NAALADL2: variants seen among roughly 807,000 people sequenced by gnomAD.
NAALADL2 encodes the protein inactive N-acetylated-alpha-linked acidic dipeptidase-like protein 2.
Under a neutral mutation model 87.2 loss-of-function variants are expected in NAALADL2, and 76 were observed. The ratio of observed to expected loss-of-function variants is 0.87; its 90% CI spans 0.72 to 1.05. NAALADL2 has a LOEUF of 1.05. Among genes scored for constraint, NAALADL2 ranks in the 50% least tolerant of loss-of-function variants. The pLI is 0.00. For missense variants in NAALADL2, 1,089 were observed against 945.8 expected, an observed-to-expected ratio of 1.15 and a Z score of -1.99; for synonymous variants, 354 against 331.0, an observed-to-expected ratio of 1.07 and a Z score of -0.75.
At chr3:174,987,827 T>TATATATATATATATATATAAAA (rs1222203525) in intron 1 of NAALADL2, among the ~76,000 whole-genome samples, 6 of 130,574 alleles carry the variant, frequency 4.6e-5, no homozygotes, top group African/African-American at 2.2e-4. Flanking sequence ...TATATATATA[T>TATATATATATATATATATAAAA]AATGAGACCT....
chr3:174,482,458 A>G (rs1717612226), intron 1 of NAALADL2, among the ~76,000 whole-genome samples: 2 of 152,112 alleles, frequency 1.3e-5, no homozygotes, highest in Non-Finnish European at 2.9e-5. Flanking sequence ...GCTGCTGCAC[A>G]GTTAGAAAGA....
At chr3:174,527,021 T>G (rs368074006) in intron 1 of NAALADL2, among the ~76,000 whole-genome samples, 4 of 152,286 alleles carry the variant, frequency 2.6e-5, no homozygotes, top group African/African-American at 9.6e-5. Flanking sequence ...CTTAGGGTCA[T>G]ACTGCAGCTA....
At chr3:174,743,787 G>A (rs1406462022) in intron 3 of NAALADL2, among the ~76,000 whole-genome samples, 3 of 151,478 alleles carry the variant, frequency 2.0e-5, no homozygotes, top group African/African-American at 7.3e-5. Context: ...CATCTTACAG[G>A]CATAAGTCTA....
At chr3:174,476,301 A>G (rs1274644436) in intron 1 of NAALADL2, among the ~76,000 whole-genome samples, 1 of 151,748 alleles carries the variant, frequency 6.6e-6, no homozygotes, top group African/African-American at 2.4e-5. Flanking sequence ...TATTGATAGA[A>G]TAAAGTGTTT....
rs200691733 is a variant in NAALADL2, at chr3:175,447,281, C to T, written c.1143C>T (p.Pro381=). 3.1e-5 allele frequency: 49 copies of T among 1,603,604 alleles called. No individual in the cohort carries two copies. The African/African-American group carries it at 5.7e-4, about 19-fold the overall frequency. Residue 381 remains proline (P), a synonymous_variant, in exon 6 of 14, where the codon CCC becomes CCT. Transcript: ENST00000454872. The part of the protein sequence containing the change: ...RSNLTSLLVQ[P]ISAPLVAKLI... Reference sequence around the variant, plus strand: ...ACCTCACCTCTCTATTAGTGCAGCCCATCTCTGCACCCCTCGTTGCAAAAC... The same window carrying T: ...ACCTCACCTCTCTATTAGTGCAGCCTATCTCTGCACCCCTCGTTGCAAAAC...
intron 1 of NAALADL2, among the ~76,000 whole-genome samples, chr3:174,506,776 C>A (rs1407339913): frequency 6.6e-6 from 1 of 152,096 alleles, no homozygotes; most frequent in Non-Finnish European, 1.5e-5. Flanking sequence ...GGTATGTCAG[C>A]ATTGTTTTAT....
At chr3:174,755,677 A>T (rs1711954007) in intron 3 of NAALADL2, among the ~76,000 whole-genome samples, 1 of 152,202 alleles carries the variant, frequency 6.6e-6, no homozygotes, top group South Asian at 2.1e-4. Flanking sequence ...AACTATTAGA[A>T]TTTATTTCCT....
intron 2 of NAALADL2, among the ~76,000 whole-genome samples, chr3:174,571,916 T>C (rs1206878521): frequency 1.3e-5 from 2 of 152,138 alleles, no homozygotes; most frequent in East Asian, 1.9e-4. Flanking sequence ...TTCAGACTTG[T>C]TTTACCAAAC....
intron 1 of NAALADL2, among the ~76,000 whole-genome samples, chr3:174,966,080 C>A (rs1293031675): frequency 1.3e-5 from 2 of 152,034 alleles, no homozygotes; most frequent in African/African-American, 4.8e-5. Context: ...TATCTTAGAC[C>A]AGATCATTAT....
At chr3:174,590,747 A>G (rs1048063502) in intron 2 of NAALADL2, among the ~76,000 whole-genome samples, 11 of 152,190 alleles carry the variant, frequency 7.2e-5, no homozygotes, top group African/African-American at 2.7e-4. Context: ...AGGCACAGTA[A>G]CAGTACTAAT....
At chr3:174,663,316 AAAT>A (rs145502628) in intron 2 of NAALADL2, among the ~76,000 whole-genome samples, 3,213 of 152,224 alleles carry the variant, frequency 0.021, 107 homozygotes, top group African/African-American at 0.073. Context: ...CCAGCTATGA[AAAT>A]AATAATAATT....
At chr3:174,973,115 A>G (rs898423832) in intron 1 of NAALADL2, among the ~76,000 whole-genome samples, 2 of 152,140 alleles carry the variant, frequency 1.3e-5, no homozygotes, top group Admixed American at 6.5e-5. Context: ...TTGGTAATTT[A>G]CACACTGGCT....
At chr3:174,855,903 G>C (rs867475234), upstream of NAALADL2, among the ~76,000 whole-genome samples, 2 of 137,054 alleles carry the variant, frequency 1.5e-5, no homozygotes, top group African/African-American at 3.1e-5. Context: ...TATACACATA[G>C]ATATGAATAT....
At chr3:175,314,712 A>ATT (rs1758909420) in intron 4 of NAALADL2, among the ~76,000 whole-genome samples, 2 of 93,524 alleles carry the variant, frequency 2.1e-5, no homozygotes, top group Non-Finnish European at 4.4e-5. Context: ...ATATATATAT[A>ATT]TATATATATA....
At chr3:174,937,728 C>T (rs1281925611) in intron 1 of NAALADL2, among the ~76,000 whole-genome samples, 1 of 151,998 alleles carries the variant, frequency 6.6e-6, no homozygotes, top group African/African-American at 2.4e-5. Context: ...GGATTTAAAA[C>T]ATTTGCTTAT....
intron 9 of NAALADL2, among the ~76,000 whole-genome samples, chr3:175,556,734 A>G (rs1715339871): frequency 6.6e-6 from 1 of 152,262 alleles, no homozygotes; most frequent in African/African-American, 2.4e-5. Flanking sequence ...ACTATCTTAC[A>G]AACTTTTCTT....
Position 174,866,984 on chromosome 3 carries a change from T to A in NAALADL2, c.43+7534T>A, listed in dbSNP as rs182194890. On this transcript the variant is annotated intron_variant, in intron 1 of 13. Transcript: ENST00000454872. ...ACCCATAATATTGTCTATATTTCTA[T>A]AAAATACTTACTAATTACTAAATCA... Among the ~76,000 whole-genome samples, 1,053 of 151,924 alleles carry A rather than the reference T, an allele frequency of 6.9e-3. 9 individuals are homozygous for A. Among genetic ancestry groups the A allele is most frequent in the Non-Finnish European group, 0.011 (740 of 67,782 alleles).
intron 11 of NAALADL2, among the ~76,000 whole-genome samples, chr3:175,729,091 C>T (rs1583034011): frequency 1.3e-5 from 2 of 152,034 alleles, no homozygotes; most frequent in East Asian, 3.9e-4. Context: ...GAAAATGGTG[C>T]TTTCTAAGAA....
intron 3 of NAALADL2, among the ~76,000 whole-genome samples, chr3:174,794,267 A>T (rs1057012480): frequency 6.6e-6 from 1 of 152,128 alleles, no homozygotes; most frequent in African/African-American, 2.4e-5. Flanking sequence ...ACTCATGAAA[A>T]AAGCGGCAAG....
Sources: allele counts gnomAD v4.1 joint callset (sites outside exome capture counted in the v4.1 genomes callset), GRCh38; gene constraint gnomAD v4.1.1; transcripts MANE v1.5; gene names NCBI Gene and HGNC (gene_info 2026-07-23, HGNC 2026-07-21).